ADAMTSL1: variants seen among roughly 807,000 people sequenced by gnomAD.
ADAMTSL1 encodes the protein ADAMTS-like protein 1.
A neutral mutation model predicts 201.8 loss-of-function variants in ADAMTSL1; 126 were observed. The ratio of observed to expected loss-of-function variants is 0.62; its 90% CI spans 0.54 to 0.72. The LOEUF (loss-of-function observed/expected upper bound fraction) is 0.72, where lower values mean the gene tolerates loss of function less well. Ranked by LOEUF, ADAMTSL1 falls within the 30% of genes least tolerant of loss-of-function variation. The pLI is 0.00. For synonymous variants in ADAMTSL1, 1,121 were observed against 903.4 expected, an observed-to-expected ratio of 1.24 and a Z score of -4.32; for missense variants, 2,679 against 2,277.8, an observed-to-expected ratio of 1.18 and a Z score of -3.59.
chr9:18,441,821 C>T (rs1820005712), intron 2 of ADAMTSL1, among the ~76,000 whole-genome samples: 1 of 152,098 alleles, frequency 6.6e-6, no homozygotes, highest in Non-Finnish European at 1.5e-5. Flanking sequence ...TGAGAGAATA[C>T]AGTTTTGATC....
rs140342179 is a variant in ADAMTSL1 at position 18,707,450 on chromosome 9, T to C, written c.1876+402T>C. Among the ~76,000 whole-genome samples, 316 of 152,362 alleles carry C rather than the reference T, an allele frequency of 2.1e-3. 2 individuals are homozygous for C. The highest frequency in any genetic ancestry group is 7.1e-3 in the African/African-American group (297 of 41,584). On this transcript the variant is annotated intron_variant, in intron 14 of 28. Coordinates refer to ENST00000380548, the MANE Select transcript of ADAMTSL1 (RefSeq NM_001040272.6). ...CAAGAACAAGTCGGAGTCCCTCCGA[T>C]GTACTCAGCTGATTTCCCAAAGTAA...
chr9:18,346,461 G>C (rs1020698107), intron 2 of ADAMTSL1, among the ~76,000 whole-genome samples: 1 of 152,122 alleles, frequency 6.6e-6, no homozygotes, highest in African/African-American at 2.4e-5. Context: ...AAGCAAGTAA[G>C]GGTTTTCTCA....
At chr9:18,040,658 C>T (rs550844854) in intron 1 of ADAMTSL1, among the ~76,000 whole-genome samples, 5 of 152,142 alleles carry the variant, frequency 3.3e-5, no homozygotes, top group African/African-American at 1.2e-4. Flanking sequence ...TTTGTTTAAT[C>T]TATGCAGACA....
chr9:18,887,104 C>T (rs981634070), intron 23 of ADAMTSL1, among the ~76,000 whole-genome samples: 2 of 152,220 alleles, frequency 1.3e-5, no homozygotes. Flanking sequence ...TGCTGGGGCA[C>T]AACAGCAAAT....
At chr9:18,207,728 A>G (rs528910805) in intron 2 of ADAMTSL1, among the ~76,000 whole-genome samples, 1 of 152,008 alleles carries the variant, frequency 6.6e-6, no homozygotes, top group Non-Finnish European at 1.5e-5. Context: ...CTGTTTTTCA[A>G]CCTCTTGGAA....
chr9:18,004,505 G>A (rs1819738870), intron 1 of ADAMTSL1, among the ~76,000 whole-genome samples: 1 of 152,042 alleles, frequency 6.6e-6, no homozygotes, highest in Non-Finnish European at 1.5e-5. Context: ...CATGCCAAGG[G>A]GAGAGTGGAA....
At chr9:18,262,762 G>A (rs1831972444) in intron 2 of ADAMTSL1, among the ~76,000 whole-genome samples, 1 of 152,174 alleles carries the variant, frequency 6.6e-6, no homozygotes, top group Non-Finnish European at 1.5e-5. Context: ...GTGCTCAAAA[G>A]ATAAACTGAT....
chr9:18,354,875 G>C (rs1586953588), intron 2 of ADAMTSL1, among the ~76,000 whole-genome samples: 1 of 152,144 alleles, frequency 6.6e-6, no homozygotes, highest in East Asian at 1.9e-4. Context: ...GGAAGCCGAG[G>C]CAGGATAATT....
chr9:18,830,075 G>A, intron 23 of ADAMTSL1, 98 bp downstream of exon 23: 1 of 1,470,508 alleles, frequency 6.8e-7, no homozygotes, highest in Non-Finnish European at 9.1e-7. Flanking sequence ...CAGCAGTCGG[G>A]GGTGGCCAAC....
At chr9:18,233,894 C>T (rs1329090754) in intron 2 of ADAMTSL1, among the ~76,000 whole-genome samples, 1 of 152,176 alleles carries the variant, frequency 6.6e-6, no homozygotes, top group African/African-American at 2.4e-5. Flanking sequence ...GATTTGACTT[C>T]ATCTCTCAAA....
chr9:18,729,469 C>T (rs190368998), intron 15 of ADAMTSL1, among the ~76,000 whole-genome samples: 144 of 152,316 alleles, frequency 9.5e-4, no homozygotes, highest in Non-Finnish European at 1.5e-3. Flanking sequence ...TAGGTGAAAG[C>T]ATTCAGGCAG....
chr9:18,545,911 C>T (rs988186668), intron 3 of ADAMTSL1, among the ~76,000 whole-genome samples: 37 of 152,252 alleles, frequency 2.4e-4, no homozygotes, highest in African/African-American at 7.9e-4. Context: ...AGCCTAGAAA[C>T]GATAAGCAGC....
intron 1 of ADAMTSL1, among the ~76,000 whole-genome samples, chr9:17,947,526 A>T (rs1354637096): frequency 1.3e-5 from 2 of 152,132 alleles, no homozygotes; most frequent in Non-Finnish European, 2.9e-5. Context: ...CACAAAAACA[A>T]ATACATTTAT....
At chr9:18,067,981 AT>A (rs1260671017) in intron 1 of ADAMTSL1, among the ~76,000 whole-genome samples, 1 of 151,990 alleles carries the variant, frequency 6.6e-6, no homozygotes, top group East Asian at 1.9e-4. Context: ...CGACAGGATA[AT>A]TTTTTTAAAA....
At chr9:18,237,226 C>G (rs749756975) in intron 2 of ADAMTSL1, among the ~76,000 whole-genome samples, 1 of 152,158 alleles carries the variant, frequency 6.6e-6, no homozygotes, top group Non-Finnish European at 1.5e-5. Context: ...GGAGATGGGC[C>G]CACCTGGCTG....
intron 1 of ADAMTSL1, among the ~76,000 whole-genome samples, chr9:18,038,654 G>A (rs1821307273): frequency 2.0e-5 from 3 of 152,162 alleles, no homozygotes; most frequent in Non-Finnish European, 1.5e-5. Context: ...GGGAGGGTGT[G>A]CTGGCTTGGA....
chr9:18,386,724 C>T (rs1426439691), intron 2 of ADAMTSL1, among the ~76,000 whole-genome samples: 6 of 152,210 alleles, frequency 3.9e-5, no homozygotes, highest in South Asian at 4.1e-4. Flanking sequence ...ATGTAGTCAT[C>T]GTGTGTCTTT....
chr9:18,317,844 C>A (rs1214145433), intron 2 of ADAMTSL1, among the ~76,000 whole-genome samples: 1 of 152,130 alleles, frequency 6.6e-6, no homozygotes, highest in Admixed American at 6.5e-5. Flanking sequence ...TTCCTGAGGG[C>A]AAACACCAGA....
intron 2 of ADAMTSL1, among the ~76,000 whole-genome samples, chr9:18,411,267 A>T (rs1818432529): frequency 6.6e-6 from 1 of 151,270 alleles, no homozygotes; most frequent in South Asian, 2.1e-4. Flanking sequence ...TGCAATCTCG[A>T]CTCACTGCAG....
Sources: gnomAD v4.1 joint callset for allele counts (sites outside exome capture counted in the v4.1 genomes callset) on GRCh38, gnomAD v4.1.1 for gene constraint, MANE v1.5 for transcripts, NCBI Gene and HGNC (gene_info 2026-07-23, HGNC 2026-07-21) for gene names.